Variants in IL1RAPL2 observed in about 807,000 individuals in gnomAD.
IL1RAPL2 encodes interleukin 1 receptor accessory protein like 2, also known as X-linked interleukin-1 receptor accessory protein-like 2.
In IL1RAPL2, 3 loss-of-function variants were observed where a neutral mutation model predicts 44.1. The observed-to-expected ratio is 0.07, with a 90% CI of 0.03 to 0.18. The LOEUF is 0.18. IL1RAPL2 is among the 10% of genes least tolerant of loss of function. IL1RAPL2 has a pLI of 1.00. For synonymous variants in IL1RAPL2, 181 were observed against 178.8 expected, an observed-to-expected ratio of 1.01 and a Z score of -0.10; for missense variants, 391 against 496.4, an observed-to-expected ratio of 0.79 and a Z score of 2.02.
At chrX:105,016,054 T>A (rs181841770) in intron 2 of IL1RAPL2, among the ~76,000 whole-genome samples, 1 of 111,369 alleles carries the variant, frequency 9.0e-6, no homozygotes, top group African/African-American at 3.3e-5. Context: ...GATTCCTAGG[T>A]ATTTTATTCT....
At chrX:105,044,987 A>T (rs1397747899) in intron 2 of IL1RAPL2, among the ~76,000 whole-genome samples, 1 of 111,718 alleles carries the variant, frequency 9.0e-6, no homozygotes, top group Admixed American at 9.6e-5. Flanking sequence ...GCCAGAGGAC[A>T]GATAACTCTA....
chrX:105,553,605 A>T (rs1407195608), intron 6 of IL1RAPL2, among the ~76,000 whole-genome samples: 1 of 112,423 alleles, frequency 8.9e-6, no homozygotes, highest in Non-Finnish European at 1.9e-5. Flanking sequence ...TATTTATTTT[A>T]AAATTACCTT....
At chrX:104,719,240 C>T (rs759462729) in intron 2 of IL1RAPL2, among the ~76,000 whole-genome samples, 3 of 111,825 alleles carry the variant, frequency 2.7e-5, no homozygotes, top group Non-Finnish European at 5.7e-5. Flanking sequence ...CTCTTGATCA[C>T]AAGGAATAGA....
At chrX:104,991,906 A>T (rs769661448) in intron 2 of IL1RAPL2, among the ~76,000 whole-genome samples, 4 of 111,631 alleles carry the variant, frequency 3.6e-5, no homozygotes, top group Non-Finnish European at 7.5e-5. Context: ...ATGTGAGCAA[A>T]ACCGAAAATA....
chrX:105,670,874 GGT>G (rs768443972), intron 6 of IL1RAPL2, among the ~76,000 whole-genome samples: 14 of 105,622 alleles, frequency 1.3e-4, no homozygotes, highest in Non-Finnish European at 2.7e-4. Flanking sequence ...AATATTTTTT[GGT>G]GTGTGTGTGT....
chrX:105,270,530 TTTGTTTATGATTATCC>T (rs1185962679), intron 5 of IL1RAPL2, among the ~76,000 whole-genome samples: 1 of 111,935 alleles, frequency 8.9e-6, no homozygotes, highest in East Asian at 2.8e-4. Flanking sequence ...TAATTCAGAA[TTTGTTTATGATTATCC>T]TTGGGTCAGT....
At chrX:105,053,939 A>G (rs1022615128) in intron 2 of IL1RAPL2, among the ~76,000 whole-genome samples, 2 of 111,792 alleles carry the variant, frequency 1.8e-5, no homozygotes, top group African/African-American at 6.5e-5. Context: ...GTTCCAGGTT[A>G]CATTGAGCTA....
intron 2 of IL1RAPL2, among the ~76,000 whole-genome samples, chrX:105,089,606 C>T (rs947362144): frequency 3.6e-5 from 4 of 111,490 alleles, no homozygotes; most frequent in African/African-American, 9.8e-5. Context: ...TGCTGTCTTT[C>T]AAGAGTGTTA....
At chrX:104,889,035 A>T (rs1247105778) in intron 2 of IL1RAPL2, among the ~76,000 whole-genome samples, 1 of 110,966 alleles carries the variant, frequency 9.0e-6, no homozygotes, top group Non-Finnish European at 1.9e-5. Context: ...CATCAGCGTA[A>T]TTACACCCCA....
At chrX:105,043,109 G>T (rs1401018230) in intron 2 of IL1RAPL2, among the ~76,000 whole-genome samples, 2 of 104,209 alleles carry the variant, frequency 1.9e-5, no homozygotes, top group Non-Finnish European at 2.0e-5. Flanking sequence ...GGAGAGCATT[G>T]GGAGATATAC....
rs190240476 is a variant in IL1RAPL2 at position 105,559,141 on chromosome X, G to A, written c.772+74754G>A. On this transcript the variant is annotated intron_variant, in intron 6 of 10. Transcript: ENST00000372582. ...AGTTCAGAAGGAAACTATTTCCCAG[G>A]ATTATGGCCAGTTAATTCAGATGGT... Among the ~76,000 whole-genome samples the A allele has an allele frequency of 5.4e-5, 6 of 111,860 alleles. No homozygotes were observed. In the East Asian group the frequency reaches 1.7e-3, roughly 31 times the overall value.
At position 105,542,735 on chromosome X, in the gene IL1RAPL2, TA is replaced by T. The variant is rs1569452498; in HGVS notation, c.772+58349del. On this transcript the variant is annotated intron_variant, in intron 6 of 10. Transcript: ENST00000372582. ...TATTTATTTATTTATTTATTTAATT[TA>T]TTATTTTTTTTTTTTGAGACGGAGT... Among the ~76,000 whole-genome samples, 422 of 88,249 alleles carry T rather than the reference TA, an allele frequency of 4.8e-3. 4 individuals are homozygous for T. The highest frequency in any genetic ancestry group is 0.01 in the East Asian group (33 of 3,160). 76.6% of individuals were successfully genotyped at this position (88,249 alleles called of 115,157 possible). A position where few individuals can be genotyped will look rare whatever the true frequency, so the allele number is the denominator to read the frequency against.
intron 1 of IL1RAPL2, among the ~76,000 whole-genome samples, chrX:104,642,346 G>T (rs951626261): frequency 4.5e-5 from 5 of 112,075 alleles, no homozygotes; most frequent in Non-Finnish European, 9.4e-5. Context: ...GTTAATGATG[G>T]TGTAATATTC....
chrX:105,673,775 A>G (rs767120767), intron 6 of IL1RAPL2, among the ~76,000 whole-genome samples: 71 of 112,095 alleles, frequency 6.3e-4, no homozygotes, highest in Admixed American at 2.9e-3. Flanking sequence ...ACTAATTTAC[A>G]TTCCCACCAA....
intron 6 of IL1RAPL2, among the ~76,000 whole-genome samples, chrX:105,581,203 T>C (rs748124584): frequency 8.1e-4 from 91 of 111,927 alleles, no homozygotes; most frequent in African/African-American, 2.9e-3. Flanking sequence ...AATATCACAC[T>C]AAAAATTAGG....
chrX:105,731,554 A>G (rs907065830), intron 7 of IL1RAPL2, among the ~76,000 whole-genome samples: 9 of 111,438 alleles, frequency 8.1e-5, no homozygotes, highest in African/African-American at 2.3e-4. Flanking sequence ...ATAATATGGA[A>G]TCAACCTAAG....
rs754309988 is a variant in IL1RAPL2, at chrX:105,005,171, C to T, written c.83-190304C>T. Among the ~76,000 whole-genome samples the T allele has an allele frequency of 2.7e-5, 3 of 111,240 alleles. No individual in the cohort carries two copies. The East Asian group carries it at 8.6e-4, about 32-fold the overall frequency. ...ATATGACTTTTGTGAAACCTATTCCCTCTAAATATTGACTCTCCAACTAGA... is the reference window on the plus strand; with the variant it reads ...ATATGACTTTTGTGAAACCTATTCCTTCTAAATATTGACTCTCCAACTAGA... On this transcript the variant is annotated intron_variant, in intron 2 of 10. Transcript: ENST00000372582.
intron 2 of IL1RAPL2, among the ~76,000 whole-genome samples, chrX:104,891,439 T>A (rs1373887401): frequency 1.8e-5 from 2 of 112,300 alleles, no homozygotes; most frequent in Admixed American, 9.5e-5. Flanking sequence ...GAGCATGGAA[T>A]GTTCTTCCAT....
chrX:104,805,564 G>A (rs1462396743), intron 2 of IL1RAPL2, among the ~76,000 whole-genome samples: 1 of 111,706 alleles, frequency 9.0e-6, no homozygotes, highest in Non-Finnish European at 1.9e-5. Flanking sequence ...CTTGGTAAAT[G>A]TTTGTTTTTC....
Sources: allele counts gnomAD v4.1 joint callset (sites outside exome capture counted in the v4.1 genomes callset), GRCh38; gene constraint gnomAD v4.1.1; transcripts MANE v1.5; gene names NCBI Gene and HGNC (gene_info 2026-07-23, HGNC 2026-07-21).